Variants in RHOH observed in about 807,000 individuals in gnomAD.
RHOH encodes the protein rho-related GTP-binding protein RhoH.
Under a neutral mutation model 13.8 loss-of-function variants are expected in RHOH, and 6 were observed. The ratio of observed to expected loss-of-function variants is 0.44; its 90% confidence interval spans 0.24 to 0.86. RHOH has a LOEUF of 0.86. RHOH is among the 40% of genes least tolerant of loss of function. RHOH has a pLI of 0.24. For missense variants in RHOH, 147 were observed against 244.5 expected (o/e 0.60, Z 2.66); for synonymous variants, 117 against 103.0 (o/e 1.14, Z -0.82).
intron 1 of RHOH, among the ~76,000 whole-genome samples, chr4:40,221,858 C>A (rs1726626725): frequency 6.6e-6 from 1 of 152,118 alleles, no homozygotes; most frequent in Non-Finnish European, 1.5e-5. Context: ...AGGTCTCTTG[C>A]CAGTTAGCCA....
intron 1 of RHOH, among the ~76,000 whole-genome samples, chr4:40,232,508 G>A (rs757203237): frequency 2.6e-5 from 4 of 152,040 alleles, no homozygotes; most frequent in Non-Finnish European, 5.9e-5. Context: ...TCCTGCCTTG[G>A]CTTCCCAAAG....
rs190180804 is a variant in RHOH, at chr4:40,238,478, C to T, written c.-330-4236C>T. On this transcript the variant is annotated intron_variant, in intron 1 of 2. Coordinates refer to ENST00000381799, the MANE Select transcript of RHOH (RefSeq NM_004310.5). ...TAGGATGTCTCTTCCCCTAATCCCT[C>T]ACTTGTGTCTATCTTGGTCTCTTTG... 2.0e-5 allele frequency among the ~76,000 whole-genome samples: 3 copies of T among 152,298 alleles called. No individual in the cohort carries two copies. The East Asian group carries it at 5.8e-4, about 29-fold the overall frequency.
intron 1 of RHOH, among the ~76,000 whole-genome samples, chr4:40,242,325 A>T (rs1289964148): frequency 6.6e-6 from 1 of 152,242 alleles, no homozygotes; most frequent in African/African-American, 2.4e-5. Flanking sequence ...GGCCTAGCGG[A>T]GTTCGGGATA....
chr4:40,226,568 C>A (rs895753876), intron 1 of RHOH, among the ~76,000 whole-genome samples: 1 of 151,758 alleles, frequency 6.6e-6, no homozygotes, highest in African/African-American at 2.4e-5. Flanking sequence ...AATATCTAAC[C>A]GTGACTGTCA....
chr4:40,236,006 A>G (rs1728533159), intron 1 of RHOH, among the ~76,000 whole-genome samples: 1 of 151,642 alleles, frequency 6.6e-6, no homozygotes, highest in Non-Finnish European at 1.5e-5. Flanking sequence ...AAAGAAAAAA[A>G]AAAGGGGTGG....
chr4:40,203,552 G>A (rs573082870), intron 1 of RHOH, among the ~76,000 whole-genome samples: 2 of 150,150 alleles, frequency 1.3e-5, no homozygotes, highest in Non-Finnish European at 1.5e-5. Context: ...GTGAGAGAGA[G>A]AGAGTGTGTG....
intron 1 of RHOH, among the ~76,000 whole-genome samples, chr4:40,224,596 C>A (rs992540918): frequency 2.0e-5 from 3 of 152,142 alleles, no homozygotes; most frequent in African/African-American, 4.8e-5. Context: ...TATCACCATG[C>A]GCTGGCAGTG....
rs759717838 is a variant in RHOH, at chr4:40,243,831, C to T, written c.445C>T (p.Leu149=). The change falls in exon 3 of 3, where the codon CTG becomes TTG. Residue 149 remains leucine (L), a synonymous_variant. Coordinates refer to ENST00000381799, the MANE Select transcript of RHOH (RefSeq NM_004310.5). This position sits in a 1 kb window ranked among gnomAD's most constrained non-coding sequence, Gnocchi z 6.2. ...CCAGGATGTCAGAGCCAAGGGCTACCTGGAGTGCTCAGCCCTTAGCAATCG... is the reference window on the plus strand; with the variant it reads ...CCAGGATGTCAGAGCCAAGGGCTACTTGGAGTGCTCAGCCCTTAGCAATCG... The part of the protein sequence containing the change: ...LAQDVRAKGY[L]ECSALSNRGV... 4.3e-6 allele frequency: 7 copies of T among 1,614,182 alleles called. No homozygotes were observed. In the South Asian group the frequency reaches 7.7e-5, roughly 18 times the overall value.
intron 1 of RHOH, among the ~76,000 whole-genome samples, chr4:40,206,295 G>GA (rs890351485): frequency 6.6e-6 from 1 of 151,910 alleles, no homozygotes; most frequent in African/African-American, 2.4e-5. Context: ...CCCTTACTAC[G>GA]AACCTTTTTC....
At chr4:40,236,268 C>T (rs1426050585) in intron 1 of RHOH, among the ~76,000 whole-genome samples, 4 of 152,286 alleles carry the variant, frequency 2.6e-5, no homozygotes, top group South Asian at 2.1e-4. Flanking sequence ...CTCTTGTTCA[C>T]GATTATTTCC....
chr4:40,233,925 CAAATAAAATAAAATA>C (rs5857719), intron 1 of RHOH, among the ~76,000 whole-genome samples: 6 of 145,116 alleles, frequency 4.1e-5, no homozygotes, highest in Admixed American at 6.9e-5. Context: ...TACTCCCTCT[CAAATAAAATAAAATA>C]AAATAAAATA....
rs1729667038 is a variant in RHOH at position 40,244,899 on chromosome 4, A to AAAT, written c.*938_*940dup. 1 of 161,244 alleles carries AAAT rather than the reference A, an allele frequency of 6.2e-6. No individual in the cohort carries two copies. Among genetic ancestry groups the AAAT allele is most frequent in the Admixed American group, 6.5e-5 (1 of 15,466 alleles). The allele number at this position is 161,244 out of a possible 1,614,324, so 10.0% of individuals were successfully genotyped here. A position where few individuals can be genotyped will look rare whatever the true frequency, so the allele number is the denominator to read the frequency against. ...TCTGTTAATTTCACAAATTTGTTAT[A>AAAT]AATTTGTCTAAACTGAGCTGTTGTG... On this transcript the variant is annotated 3_prime_UTR_variant, in exon 3 of 3. Coordinates refer to ENST00000381799, the MANE Select transcript of RHOH (RefSeq NM_004310.5).
chr4:40,231,285 T>C (rs1727903682), intron 1 of RHOH, among the ~76,000 whole-genome samples: 1 of 151,930 alleles, frequency 6.6e-6, no homozygotes, highest in African/African-American at 2.4e-5. Context: ...TAGGAGCAAA[T>C]TGGTTTGTGC....
At chr4:40,194,403 A>C (rs1722915261), upstream of RHOH, among the ~76,000 whole-genome samples, 1 of 152,040 alleles carries the variant, frequency 6.6e-6, no homozygotes, top group African/African-American at 2.4e-5. Context: ...TAATTTTTGT[A>C]TTTTTAGAAG....
chr4:40,206,135 T>A (rs1724610661), intron 1 of RHOH, among the ~76,000 whole-genome samples: 1 of 152,248 alleles, frequency 6.6e-6, no homozygotes, highest in East Asian at 1.9e-4. Context: ...CAGGTCATTA[T>A]GTCTAGCAAC....
At chr4:40,215,161 C>A (rs73808644) in intron 1 of RHOH, among the ~76,000 whole-genome samples, 23 of 152,116 alleles carry the variant, frequency 1.5e-4, no homozygotes, top group Admixed American at 1.4e-3. Context: ...ATATGTCCAG[C>A]GAGGTTCCTC....
chr4:40,204,992 G>A (rs988653927), intron 1 of RHOH, among the ~76,000 whole-genome samples: 3 of 151,962 alleles, frequency 2.0e-5, no homozygotes, highest in Non-Finnish European at 4.4e-5. Flanking sequence ...GCCGGGCGAG[G>A]TGGCTCACAC....
intron 1 of RHOH, among the ~76,000 whole-genome samples, chr4:40,224,956 C>G (rs570970581): frequency 1.3e-5 from 2 of 152,334 alleles, no homozygotes; most frequent in East Asian, 3.9e-4. Context: ...GTCATCCAGG[C>G]TGGAGTGCAG....
chr4:40,194,430 T>C (rs2109329835), upstream of RHOH, among the ~76,000 whole-genome samples: 1 of 152,278 alleles, frequency 6.6e-6, no homozygotes, highest in Non-Finnish European at 1.5e-5. Context: ...GGTTTCACCA[T>C]GTTGGCCAGG....
Sources: allele counts gnomAD v4.1 joint callset (sites outside exome capture counted in the v4.1 genomes callset), GRCh38; gene constraint gnomAD v4.1.1; non-coding constraint Gnocchi (gnomAD v3.1); transcripts MANE v1.5; gene names NCBI Gene and HGNC (gene_info 2026-07-23, HGNC 2026-07-21).